Variants in MAGI2 observed in about 807,000 individuals in gnomAD.
The protein encoded by MAGI2 is membrane associated guanylate kinase, WW and PDZ domain containing 2, also known as membrane-associated guanylate kinase, WW and PDZ domain-containing protein 2.
In MAGI2, 35 loss-of-function variants were observed where a neutral mutation model predicts 133.3. The observed-to-expected ratio is 0.26, with a 90% CI of 0.20 to 0.35. MAGI2 has a LOEUF of 0.35. Ranked by LOEUF, MAGI2 falls within the 10% of genes least tolerant of loss-of-function variation. The pLI, the probability that MAGI2 is intolerant of heterozygous loss-of-function variation, is 1.00. For missense variants in MAGI2, 1,636 were observed against 1,863.4 expected (o/e 0.88, Z 2.25); for synonymous variants, 729 against 710.6 (o/e 1.03, Z -0.41).
chr7:78,922,122 A>ATTCTTTCTTTCTTTCT lies in MAGI2; in HGVS notation c.418+84952_418+84967dup, dbSNP rs71095367. On this transcript the variant is annotated intron_variant, in intron 2 of 21. Coordinates refer to ENST00000354212, the MANE Select transcript of MAGI2 (RefSeq NM_012301.4). ...AAAGTTATGCCATGGAGTACACTTG[A>ATTCTTTCTTTCTTTCT]TTCTTTCTTTCTTTCTTTCTTTCTT... 4.7e-3 allele frequency among the ~76,000 whole-genome samples: 681 copies of ATTCTTTCTTTCTTTCT among 146,238 alleles called. 7 individuals carry two copies. The highest frequency in any genetic ancestry group is 0.017 in the African/African-American group (660 of 39,820).
chr7:78,914,616 A>C (rs1054690865), intron 2 of MAGI2, among the ~76,000 whole-genome samples: 3 of 152,154 alleles, frequency 2.0e-5, no homozygotes, highest in African/African-American at 7.2e-5. Flanking sequence ...AGGCATTGGA[A>C]TTGATTTCCT....
intron 21 of MAGI2, among the ~76,000 whole-genome samples, chr7:78,070,148 T>C (rs1225222179): frequency 7.5e-6 from 1 of 132,788 alleles, no homozygotes; most frequent in African/African-American, 2.9e-5. Flanking sequence ...TGTATATATA[T>C]ACACACATAT....
At chr7:79,444,402 T>C (rs927989489) in intron 1 of MAGI2, among the ~76,000 whole-genome samples, 1 of 152,200 alleles carries the variant, frequency 6.6e-6, no homozygotes, top group Non-Finnish European at 1.5e-5. Context: ...CATGATTGTA[T>C]ATCAGAAAAC....
chr7:78,636,594 A>C (rs1030735667), intron 2 of MAGI2, among the ~76,000 whole-genome samples: 6 of 148,858 alleles, frequency 4.0e-5, no homozygotes, highest in African/African-American at 7.3e-5. Flanking sequence ...GTCAGGAGAT[A>C]GAGACCATCC....
intron 1 of MAGI2, among the ~76,000 whole-genome samples, chr7:79,143,660 G>T (rs1341536339): frequency 6.6e-6 from 1 of 152,100 alleles, no homozygotes; most frequent in Admixed American, 6.6e-5. Flanking sequence ...GTGTATAATT[G>T]CTTTTAAGAG....
intron 1 of MAGI2, among the ~76,000 whole-genome samples, chr7:79,311,423 G>T (rs1389186555): frequency 2.0e-5 from 3 of 152,048 alleles, no homozygotes; most frequent in Non-Finnish European, 1.5e-5. Context: ...GTCGTCCTGG[G>T]CTGCATGCGG....
chr7:78,730,334 C>A (rs776793349), intron 2 of MAGI2, among the ~76,000 whole-genome samples: 11 of 151,006 alleles, frequency 7.3e-5, no homozygotes, highest in Non-Finnish European at 1.3e-4. Flanking sequence ...ACTTTGCTAA[C>A]CATCAGGAAT....
intron 1 of MAGI2, among the ~76,000 whole-genome samples, chr7:79,118,744 C>G (rs1819621776): frequency 6.6e-6 from 1 of 151,812 alleles, no homozygotes; most frequent in Non-Finnish European, 1.5e-5. Context: ...TTTTGCACTA[C>G]CCATATCCCT....
At chr7:78,705,059 A>T (rs1380004721) in intron 2 of MAGI2, among the ~76,000 whole-genome samples, 2 of 152,124 alleles carry the variant, frequency 1.3e-5, no homozygotes, top group East Asian at 3.9e-4. Context: ...AAACACTGTA[A>T]ATTGGAGTTT....
intron 5 of MAGI2, among the ~76,000 whole-genome samples, chr7:78,495,963 A>T (rs535505551): frequency 1.3e-5 from 2 of 152,190 alleles, no homozygotes; most frequent in Non-Finnish European, 2.9e-5. Context: ...AGATTTTGTG[A>T]CTAGTACGAT....
intron 1 of MAGI2, chr7:79,124,968 T>G: frequency 3.6e-6 from 1 of 277,980 alleles, no homozygotes; most frequent in Non-Finnish European, 7.0e-6. Context: ...CCACGAAAGG[T>G]GGAGGGAAGA....
At position 78,825,621 on chromosome 7, in the gene MAGI2, A is replaced by G. The variant is rs191385120; in HGVS notation, c.418+181469T>C. 2.0e-5 allele frequency among the ~76,000 whole-genome samples: 3 copies of G among 152,346 alleles called. No homozygotes were observed. In the East Asian group the frequency reaches 5.8e-4, roughly 29 times the overall value. On this transcript the variant is annotated intron_variant, in intron 2 of 21. Coordinates refer to ENST00000354212, the MANE Select transcript of MAGI2 (RefSeq NM_012301.4). Reference sequence around the variant, plus strand: ...AGTTTTTTTAAAAAAAGTGATGGATAGTCAACCTAAACCCATTTTCTTCTT... The same window carrying G: ...AGTTTTTTTAAAAAAAGTGATGGATGGTCAACCTAAACCCATTTTCTTCTT...
At chr7:78,084,518 A>C (rs1376867428) in intron 20 of MAGI2, among the ~76,000 whole-genome samples, 1 of 152,334 alleles carries the variant, frequency 6.6e-6, no homozygotes, top group East Asian at 1.9e-4. Flanking sequence ...GCATACCTCA[A>C]GCTTTCTTGA....
At chr7:78,726,645 T>A (rs1174521346) in intron 2 of MAGI2, among the ~76,000 whole-genome samples, 1 of 152,172 alleles carries the variant, frequency 6.6e-6, no homozygotes, top group Non-Finnish European at 1.5e-5. Context: ...GTTTCAACAT[T>A]AATATAACAG....
At chr7:78,112,248 G>C (rs1819431160) in intron 20 of MAGI2, among the ~76,000 whole-genome samples, 1 of 152,118 alleles carries the variant, frequency 6.6e-6, no homozygotes, top group Non-Finnish European at 1.5e-5. Context: ...TGCTTTTGAA[G>C]TTCTTTATTA....
At chr7:79,015,346 T>A (rs557015212) in intron 1 of MAGI2, among the ~76,000 whole-genome samples, 2 of 80,858 alleles carry the variant, frequency 2.5e-5, no homozygotes, top group African/African-American at 4.2e-5. Context: ...CTCTAATATT[T>A]TTTTTCAACC....
intron 21 of MAGI2, among the ~76,000 whole-genome samples, chr7:78,054,202 T>C (rs1812317767): frequency 6.6e-6 from 1 of 152,008 alleles, no homozygotes; most frequent in Non-Finnish European, 1.5e-5. Context: ...CTCAGCTCAC[T>C]GCAAGCTCTG....
At chr7:78,793,555 G>A (rs1787354217) in intron 2 of MAGI2, among the ~76,000 whole-genome samples, 1 of 152,068 alleles carries the variant, frequency 6.6e-6, no homozygotes, top group Non-Finnish European at 1.5e-5. Context: ...ACTGATAGAT[G>A]GTTCAATATT....
At chr7:78,384,406 T>G (rs1351873009) in intron 6 of MAGI2, among the ~76,000 whole-genome samples, 1 of 152,166 alleles carries the variant, frequency 6.6e-6, no homozygotes, top group Non-Finnish European at 1.5e-5. Context: ...TCATTACAAT[T>G]TATAATATAT....
Sources: gnomAD v4.1 joint callset for allele counts (sites outside exome capture counted in the v4.1 genomes callset) on GRCh38, gnomAD v4.1.1 for gene constraint, MANE v1.5 for transcripts, NCBI Gene and HGNC (gene_info 2026-07-23, HGNC 2026-07-21) for gene names.